CACNA2D4: variants seen among roughly 807,000 people sequenced by gnomAD.
CACNA2D4 encodes calcium voltage-gated channel auxiliary subunit alpha2delta 4.
In CACNA2D4, 157 loss-of-function variants were observed where a neutral mutation model predicts 163.8. The observed-to-expected ratio is 0.96, with a 90% CI of 0.84 to 1.09. The LOEUF is 1.09. Among genes scored for constraint, CACNA2D4 ranks in the 50% least tolerant of loss-of-function variants. The probability of loss-of-function intolerance (pLI) is 0.00; values close to 1 mark genes in which losing one functional copy is unlikely to be tolerated. For synonymous variants in CACNA2D4, 598 were observed against 586.9 expected, an observed-to-expected ratio of 1.02 and a Z score of -0.27; for missense variants, 1,410 against 1,479.9, an observed-to-expected ratio of 0.95 and a Z score of 0.78.
intron 26 of CACNA2D4, chr12:1,831,145 G>T: frequency 2.5e-6 from 4 of 1,613,938 alleles, no homozygotes; most frequent in Non-Finnish European, 3.4e-6. Flanking sequence ...AACCTCTCCA[G>T]CCTGCAGCGG....
intron 18 of CACNA2D4, among the ~76,000 whole-genome samples, chr12:1,866,844 G>C (rs9668804): frequency 6.7e-6 from 1 of 149,588 alleles, no homozygotes; most frequent in African/African-American, 2.5e-5. Flanking sequence ...TGTTGTCCAG[G>C]CTGGTCACGA....
chr12:1,832,507 G>A (rs1190287254), intron 26 of CACNA2D4, among the ~76,000 whole-genome samples: 1 of 152,194 alleles, frequency 6.6e-6, no homozygotes. Flanking sequence ...TGTTTGCTGG[G>A]CTAAGGAATC....
chr12:1,879,858 G>A lies in CACNA2D4; in HGVS notation c.1509C>T (p.Ser503=), dbSNP rs199888783. The part of the protein sequence containing the change: ...DSKLLSSQAQ[S]LTLLTTVAMP... Reference sequence around the variant, plus strand: ...TGGCCACAGTGGTGAGCAGTGTCAGGCTCTGAGCCTGCGAGCTGAGGAGCT... The same window carrying A: ...TGGCCACAGTGGTGAGCAGTGTCAGACTCTGAGCCTGCGAGCTGAGGAGCT... Residue 503 remains serine, a synonymous_variant, in exon 14 of 38, where the codon AGC becomes AGT. Coordinates refer to ENST00000382722, the MANE Select transcript of CACNA2D4 (RefSeq NM_172364.5). The A allele has an allele frequency of 3.4e-4, 550 of 1,601,252 alleles. 3 individuals are homozygous for A. The Middle Eastern group carries it at 5.1e-3, about 15-fold the overall frequency.
intron 2 of CACNA2D4, among the ~76,000 whole-genome samples, chr12:1,913,574 A>G (rs1386239728): frequency 1.3e-5 from 2 of 152,224 alleles, no homozygotes; most frequent in Non-Finnish European, 2.9e-5. Context: ...ATGTCCCAGA[A>G]GAGGCATCTT....
intron 2 of CACNA2D4, among the ~76,000 whole-genome samples, chr12:1,914,282 G>A (rs1267562099): frequency 1.3e-5 from 2 of 152,210 alleles, no homozygotes; most frequent in African/African-American, 2.4e-5. Flanking sequence ...CTGCTCTGGG[G>A]AGTTACAAAT....
At chr12:1,841,661 GCAAA>G (rs3078855) in intron 25 of CACNA2D4, among the ~76,000 whole-genome samples, 3,019 of 152,274 alleles carry the variant, frequency 0.02, 91 homozygotes, top group African/African-American at 0.062. Flanking sequence ...TGAGAAAGGG[GCAAA>G]CAGTTTCTGA....
chr12:1,827,891 C>T, intron 26 of CACNA2D4: 1 of 398,358 alleles, frequency 2.5e-6, no homozygotes, highest in Non-Finnish European at 4.4e-6. Context: ...GAAGCCTGCC[C>T]CGCCCCCATC....
intron 29 of CACNA2D4, chr12:1,809,354 C>A: frequency 1.7e-6 from 1 of 603,998 alleles, no homozygotes; most frequent in Non-Finnish European, 2.9e-6. Flanking sequence ...TAGTCCAGCC[C>A]CCGGCGAGAC....
intron 14 of CACNA2D4, among the ~76,000 whole-genome samples, 159 bp downstream of exon 14, chr12:1,879,645 G>A (rs1010801277): frequency 5.3e-5 from 8 of 152,230 alleles, no homozygotes; most frequent in African/African-American, 1.9e-4. Context: ...AACCAGGAGA[G>A]TCTGGGGTAG....
chr12:1,827,199 G>A (rs192794311), intron 26 of CACNA2D4, among the ~76,000 whole-genome samples: 35 of 152,306 alleles, frequency 2.3e-4, no homozygotes, highest in Admixed American at 2.3e-3. Flanking sequence ...CTCTCTGATG[G>A]GCTGGCAGCC....
intron 32 of CACNA2D4, 128 bp downstream of exon 32, chr12:1,800,258 C>T (rs1863266564): frequency 1.9e-6 from 2 of 1,079,264 alleles, no homozygotes; most frequent in Non-Finnish European, 2.8e-6. Flanking sequence ...AGGGATTGTG[C>T]CCTCCTTCCC....
rs1312988662 is a variant in CACNA2D4, at chr12:1,874,837, G to A, written c.1807-162C>T. Among the ~76,000 whole-genome samples, 1 of 152,152 alleles carries A rather than the reference G, an allele frequency of 6.6e-6. No homozygotes were observed. The highest frequency in any genetic ancestry group is 1.9e-4 in the East Asian group (1 of 5,188). On this transcript the variant is annotated intron_variant, in intron 17 of 37. Coordinates refer to ENST00000382722, the MANE Select transcript of CACNA2D4 (RefSeq NM_172364.5). This position sits in a 1 kb window ranked among gnomAD's most constrained non-coding sequence, Gnocchi z 4.4. ...GGAGGGAAGATGGACCTGACTCTAA[G>A]CTCCATCTAGCTCATAATTCCAGGC...
At chr12:1,817,461 A>G (rs1165349634) in intron 26 of CACNA2D4, among the ~76,000 whole-genome samples, 2 of 149,050 alleles carry the variant, frequency 1.3e-5, no homozygotes, top group Non-Finnish European at 3.0e-5. Context: ...AAAGGAGATG[A>G]CTCCCTCTCC....
At chr12:1,879,168 G>C (rs1865941532) in intron 14 of CACNA2D4, 132 bp from the exon 15 acceptor site, 1 of 640,326 alleles carries the variant, frequency 1.6e-6, no homozygotes, top group Non-Finnish European at 2.8e-6. Context: ...TCTGCAATTA[G>C]ATTCTAGGCT....
chr12:1,876,898 T>G (rs1442083776), intron 16 of CACNA2D4, among the ~76,000 whole-genome samples: 1 of 152,226 alleles, frequency 6.6e-6, no homozygotes, highest in Non-Finnish European at 1.5e-5. Flanking sequence ...CATTAAATAC[T>G]CCTACATGGG....
intron 35 of CACNA2D4, among the ~76,000 whole-genome samples, chr12:1,796,333 TCA>T (rs1330341042): frequency 6.6e-6 from 1 of 152,208 alleles, no homozygotes; most frequent in Non-Finnish European, 1.5e-5. Context: ...ATGGGCGGTC[TCA>T]CACACCCAAC....
chr12:1,858,005 A>G (rs954434292), intron 20 of CACNA2D4, among the ~76,000 whole-genome samples: 4 of 152,212 alleles, frequency 2.6e-5, no homozygotes, highest in African/African-American at 9.6e-5. Flanking sequence ...CTGCAAGACG[A>G]GGAGCACCTG....
rs1437003435 is a variant in CACNA2D4 at position 1,856,042 on chromosome 12, AG to A, written c.2121del (p.Phe708SerfsTer25). Reference sequence around the variant, plus strand: ...AGGTCTGGGTCCTTCCTGGTGAGGAAGCGGATCATGGCCTCTAGCTGGCTGA... The same window carrying A: ...AGGTCTGGGTCCTTCCTGGTGAGGAACGGATCATGGCCTCTAGCTGGCTGA... ...RKLSQLEAMI[R>X]FLTRKDPDLE... is the part of the protein sequence containing the mutation. On this transcript the variant is annotated frameshift_variant, in exon 22 of 38. Coordinates refer to ENST00000382722, the MANE Select transcript of CACNA2D4 (RefSeq NM_172364.5). LOFTEE classifies it high-confidence loss of function. 1.9e-6 allele frequency: 3 copies of A among 1,613,828 alleles called. No homozygotes were observed. Among genetic ancestry groups the A allele is most frequent in the Non-Finnish European group, 2.5e-6 (3 of 1,179,832 alleles).
chr12:1,861,799 T>C, intron 18 of CACNA2D4, among the ~76,000 whole-genome samples: 1 of 151,840 alleles, frequency 6.6e-6, no homozygotes, highest in African/African-American at 2.4e-5. Context: ...ATGTATTACC[T>C]AATTAGCTTC....
Sources: gnomAD v4.1 joint callset for allele counts (sites outside exome capture counted in the v4.1 genomes callset) on GRCh38, gnomAD v4.1.1 for gene constraint, Gnocchi (gnomAD v3.1) non-coding constraint, MANE v1.5 for transcripts, NCBI Gene and HGNC (gene_info 2026-07-23, HGNC 2026-07-21) for gene names.